SARS1: variants seen among roughly 807,000 people sequenced by gnomAD.
SARS1 encodes the protein serine--tRNA ligase, cytoplasmic.
Under a neutral mutation model 63.7 loss-of-function variants are expected in SARS1, and 25 were observed. The ratio of observed to expected loss-of-function variants is 0.39; its 90% confidence interval spans 0.29 to 0.55. The LOEUF (loss-of-function observed/expected upper bound fraction) is 0.55. Ranked by LOEUF, SARS1 falls within the 20% of genes least tolerant of loss-of-function variation. The pLI is 0.62. For missense variants in SARS1, 417 were observed against 649.7 expected, an observed-to-expected ratio of 0.64 and a Z score of 3.89; for synonymous variants, 231 against 243.5, an observed-to-expected ratio of 0.95 and a Z score of 0.48.
chr1:109,238,045 C>A lies in SARS1; in HGVS notation c.*157C>A. On this transcript the variant is annotated 3_prime_UTR_variant, in exon 11 of 11. Coordinates refer to ENST00000234677, the MANE Select transcript of SARS1 (RefSeq NM_006513.4). ...AGTGCCATGTACCACACAGATGTTC[C>A]TGTCTCCTCGCATGGGCATAGGGAC... 1 of 770,946 alleles carries A rather than the reference C, an allele frequency of 1.3e-6. No homozygotes were observed. The highest frequency in any genetic ancestry group is 2.1e-6 in the Non-Finnish European group (1 of 476,630). 47.8% of individuals were successfully genotyped at this position (770,946 alleles called of 1,614,324 possible).
chr1:109,218,519 G>A (rs191113129), intron 1 of SARS1, among the ~76,000 whole-genome samples: 378 of 151,636 alleles, frequency 2.5e-3, no homozygotes, highest in Non-Finnish European at 4.6e-3. Flanking sequence ...TAGTCACATG[G>A]TATTAAAAGC....
rs1422577179 is a variant in SARS1 at position 109,214,056 on chromosome 1, A to T, written c.64A>T (p.Thr22Ser). 1 of 1,614,118 alleles carries T rather than the reference A, an allele frequency of 6.2e-7. No homozygotes were observed. Among genetic ancestry groups the T allele is most frequent in the South Asian group, 1.1e-5 (1 of 91,076 alleles). Reference protein sequence around the residue: ...KGGDPALIRETQEKRFKDPGL... With the variant: ...KGGDPALIRESQEKRFKDPGL... The stretch of plus-strand genomic sequence containing the variant: ...AGGGGACCCAGCCCTCATCCGAGAG[A>T]CGCAGGAGAAGCGCTTCAAGGACCC... Residue 22 changes from threonine (T) to serine (S), a missense_variant, in exon 1 of 11, where the codon ACG becomes TCG. Transcript: ENST00000234677. The surrounding 1 kb of genome is among the most constrained non-coding windows in gnomAD (Gnocchi z 4.6).
At position 109,214,416 on chromosome 1, in the gene SARS1, A is replaced by G; in HGVS notation, c.136+288A>G. On this transcript the variant is annotated intron_variant, in intron 1 of 10. Transcript: ENST00000234677. The surrounding 1 kb of genome is among the most constrained non-coding windows in gnomAD (Gnocchi z 4.6). ...GGGAGCTGTCAAGCCTTCCTGCCCC[A>G]GGGGTTGCCAGAACATGCCGGGGCG... The G allele has an allele frequency of 2.9e-6, 2 of 699,946 alleles. No individual in the cohort carries two copies. Among genetic ancestry groups the G allele is most frequent in the Non-Finnish European group, 3.9e-6 (2 of 509,122 alleles). The allele number at this position is 699,946 out of a possible 1,614,324, so 43.4% of individuals were successfully genotyped here. A position where few individuals can be genotyped will look rare whatever the true frequency, so the allele number is the denominator to read the frequency against.
intron 1 of SARS1, among the ~76,000 whole-genome samples, chr1:109,219,039 G>A (rs1169072715): frequency 6.6e-6 from 1 of 151,528 alleles, no homozygotes; most frequent in Non-Finnish European, 1.5e-5. Flanking sequence ...GGCCGAGGCG[G>A]GCGGATCATG....
At position 109,235,238 on chromosome 1, in the gene SARS1, A is replaced by T; in HGVS notation, c.776A>T (p.Asp259Val). 2 of 1,614,118 alleles carry T rather than the reference A, an allele frequency of 1.2e-6. No homozygotes were observed. The highest frequency in any genetic ancestry group is 1.7e-6 in the Non-Finnish European group (2 of 1,180,002). ...KVIGKGSEKSDDNSYDEKYLI... is the reference protein window; with the variant it reads ...KVIGKGSEKSVDNSYDEKYLI... Reference sequence around the variant, plus strand: ...ATTGGCAAAGGCAGTGAAAAGTCTGATGACAACTCCTATGATGAGAAGTAC... The same window carrying T: ...ATTGGCAAAGGCAGTGAAAAGTCTGTTGACAACTCCTATGATGAGAAGTAC... The change falls in exon 7 of 11, where the codon GAT becomes GTT. Residue 259 changes from aspartate (D) to valine (V), a missense_variant. Transcript: ENST00000234677. This position sits in a 1 kb window ranked among gnomAD's most constrained non-coding sequence, Gnocchi z 4.7.
chr1:109,219,221 A>C (rs368537486), intron 1 of SARS1, among the ~76,000 whole-genome samples: 3 of 136,190 alleles, frequency 2.2e-5, no homozygotes, highest in Non-Finnish European at 4.7e-5. Context: ...AGCCGAGATC[A>C]CACCACTGCA....
At chr1:109,216,507 A>T (rs1654792407) in intron 1 of SARS1, 19 of 985,276 alleles carry the variant, frequency 1.9e-5, no homozygotes, top group Non-Finnish European at 2.3e-5. Context: ...CCCACTCCCA[A>T]AGCAAATAGA....
At position 109,214,150 on chromosome 1, in the gene SARS1, T is replaced by C; in HGVS notation, c.136+22T>C. 3 of 1,611,340 alleles carry C rather than the reference T, an allele frequency of 1.9e-6. No individual in the cohort carries two copies. The highest frequency in any genetic ancestry group is 2.5e-6 in the Non-Finnish European group (3 of 1,178,686). On this transcript the variant is annotated intron_variant, in intron 1 of 10. Transcript: ENST00000234677. The surrounding 1 kb of genome is among the most constrained non-coding windows in gnomAD (Gnocchi z 4.6). The stretch of plus-strand genomic sequence containing the variant: ...CGATGTAAGTACCGGGACGGGCGGG[T>C]TACCTCCTTGATGCTAAACCCAATT...
chr1:109,218,531 A>G (rs576482109), intron 1 of SARS1, among the ~76,000 whole-genome samples: 31 of 151,774 alleles, frequency 2.0e-4, no homozygotes, highest in African/African-American at 7.3e-4. Context: ...ATTAAAAGCT[A>G]CTATATTGGA....
rs776929458 is a variant in SARS1 at position 109,214,825 on chromosome 1, A to G, written c.136+697A>G. On this transcript the variant is annotated intron_variant, in intron 1 of 10. Transcript: ENST00000234677. This position sits in a 1 kb window ranked among gnomAD's most constrained non-coding sequence, Gnocchi z 4.6. ...TTTGTGGACGTTTTCCTTTAAAGACATTGGCAGAGTTGGGCTAGAACCTGG... is the reference window on the plus strand; with the variant it reads ...TTTGTGGACGTTTTCCTTTAAAGACGTTGGCAGAGTTGGGCTAGAACCTGG... 1.0e-6 allele frequency: 1 copy of G among 985,382 alleles called. No individual in the cohort carries two copies. The allele number at this position is 985,382 out of a possible 1,614,324, so 61.0% of individuals were successfully genotyped here.
intron 1 of SARS1, among the ~76,000 whole-genome samples, chr1:109,221,984 A>G (rs1457191514): frequency 0.095 from 228 of 2,406 alleles, 12 homozygotes; most frequent in African/African-American, 0.13. Context: ...ATATATATAT[A>G]TATATATATA....
At chr1:109,236,134 C>T (rs1321657008) in intron 8 of SARS1, 28 bp downstream of exon 8, 2 of 1,600,650 alleles carry the variant, frequency 1.2e-6, no homozygotes, top group Non-Finnish European at 1.7e-6. Flanking sequence ...TTCTCAGCCT[C>T]CCTTTCCTGT....
chr1:109,229,173 A>G (rs1655151848), intron 3 of SARS1, among the ~76,000 whole-genome samples: 1 of 152,246 alleles, frequency 6.6e-6, no homozygotes, highest in Admixed American at 6.5e-5. Flanking sequence ...GATAGTGGCC[A>G]GAACTATCTA....
rs962370201 is a variant in SARS1 at position 109,214,892 on chromosome 1, GC to G, written c.136+766del. 3.0e-5 allele frequency: 30 copies of G among 985,468 alleles called. No individual in the cohort carries two copies. In the African/African-American group the frequency reaches 4.7e-4, roughly 15 times the overall value. 61.0% of individuals were successfully genotyped at this position (985,468 alleles called of 1,614,324 possible). ...AGTCATATCGGGCATCTATCATGAA[GC>G]CGAATAAAACCATAGAACCATCTGC... On this transcript the variant is annotated intron_variant, in intron 1 of 10. Transcript: ENST00000234677. This position sits in a 1 kb window ranked among gnomAD's most constrained non-coding sequence, Gnocchi z 4.6.
In SARS1 at chr1:109,237,625, C is replaced by CCCCTCTGTTCAAAGGGAT; in HGVS notation, c.1388-104_1388-87dup. The stretch of plus-strand genomic sequence containing the variant: ...AGGAAACCAGTGCCTATCAAAGGGA[C>CCCCTCTGTTCAAAGGGAT]CCCTCTGTTCAAAGGGATCATTGTC... On this transcript the variant is annotated intron_variant, in intron 10 of 10. Transcript: ENST00000234677. The surrounding 1 kb of genome is among the most constrained non-coding windows in gnomAD (Gnocchi z 4.1). The CCCCTCTGTTCAAAGGGAT allele has an allele frequency of 1.6e-6, 2 of 1,286,494 alleles. No homozygotes were observed. The highest frequency in any genetic ancestry group is 2.2e-6 in the Non-Finnish European group (2 of 919,642). The allele number at this position is 1,286,494 out of a possible 1,614,324, so 79.7% of individuals were successfully genotyped here. A position where few individuals can be genotyped will look rare whatever the true frequency, so the allele number is the denominator to read the frequency against.
chr1:109,231,037 C>G lies in SARS1; in HGVS notation c.591+16C>G. 1 of 1,440,562 alleles carries G rather than the reference C, an allele frequency of 6.9e-7. No homozygotes were observed. The highest frequency in any genetic ancestry group is 9.1e-7 in the Non-Finnish European group (1 of 1,096,964). The allele number at this position is 1,440,562 out of a possible 1,614,324, so 89.2% of individuals were successfully genotyped here. A position where few individuals can be genotyped will look rare whatever the true frequency, so the allele number is the denominator to read the frequency against. On this transcript the variant is annotated intron_variant, in intron 5 of 10. Transcript: ENST00000234677. Reference sequence around the variant, plus strand: ...CTTCTTGAAGGTAAGAGCTGGGAACCAGTGAGGATAGGATTATGAAAAAGA... The same window carrying G: ...CTTCTTGAAGGTAAGAGCTGGGAACGAGTGAGGATAGGATTATGAAAAAGA...
At position 109,213,964 on chromosome 1, in the gene SARS1, C is replaced by T. The variant is rs760838470; in HGVS notation, c.-29C>T. ...GAGTGCTGCGGCGCGATCCTTGCTTCCCTGAGCGTTGGCCCGGGAGGAAAG... is the reference window on the plus strand; with the variant it reads ...GAGTGCTGCGGCGCGATCCTTGCTTTCCTGAGCGTTGGCCCGGGAGGAAAG... On this transcript the variant is annotated 5_prime_UTR_variant, in exon 1 of 11. Coordinates refer to ENST00000234677, the MANE Select transcript of SARS1 (RefSeq NM_006513.4). 9.4e-6 allele frequency: 15 copies of T among 1,597,082 alleles called. No individual in the cohort carries two copies. Among genetic ancestry groups the T allele is most frequent in the Admixed American group, 8.6e-5 (5 of 58,400 alleles).
chr1:109,213,909 C>G (rs1323786090), upstream of SARS1: 5 of 1,464,562 alleles, frequency 3.4e-6, no homozygotes, highest in Admixed American at 7.3e-5. Flanking sequence ...GGCGGGTCAG[C>G]GCGCCGGCGC....
intron 2 of SARS1, among the ~76,000 whole-genome samples, chr1:109,226,355 TC>T (rs1371495427): frequency 6.7e-6 from 1 of 149,156 alleles, no homozygotes; most frequent in Non-Finnish European, 1.5e-5. Flanking sequence ...TTTTGTTCTT[TC>T]TTTTTTTTTT....
Sources: gnomAD v4.1 joint callset for allele counts (sites outside exome capture counted in the v4.1 genomes callset) on GRCh38, gnomAD v4.1.1 for gene constraint, Gnocchi (gnomAD v3.1) non-coding constraint, MANE v1.5 for transcripts, NCBI Gene and HGNC (gene_info 2026-07-23, HGNC 2026-07-21) for gene names.